Variants in KLF18 observed in about 807,000 individuals in gnomAD.
KLF18 encodes Kruppel-like factor 18.
Position 44,141,064 on chromosome 1 carries a change from T to C in KLF18, c.568A>G (p.Ser190Gly), listed in dbSNP as rs1164432624. 3.0e-5 allele frequency: 12 copies of C among 398,636 alleles called. No homozygotes were observed. Among genetic ancestry groups the C allele is most frequent in the African/African-American group, 1.6e-4 (8 of 48,624 alleles). 24.7% of individuals were successfully genotyped at this position (398,636 alleles called of 1,614,324 possible). A position where few individuals can be genotyped will look rare whatever the true frequency, so the allele number is the denominator to read the frequency against. Residue 190 changes from serine to glycine, a missense_variant, in exon 1 of 2, where the codon AGT becomes GGT. Ser to Gly is a moderately conservative substitution (Grantham distance 56). Transcript: ENST00000634670. Reference sequence around the variant, plus strand: ...TGACCATCAGTGAGGGTCTGGTCACTACTGAAGGTCACCTGGTCCCCACAG... The same window carrying C: ...TGACCATCAGTGAGGGTCTGGTCACCACTGAAGGTCACCTGGTCCCCACAG... ...TLCGDQVTFS[S>G]DQTLTDGHTV...
chr1:44,140,787 G>A lies in KLF18; in HGVS notation c.845C>T (p.Thr282Ile). The change falls in exon 1 of 2, where the codon ACC becomes ATC. Residue 282 changes from threonine to isoleucine, a missense_variant. Coordinates refer to ENST00000634670, the MANE Select transcript of KLF18 (RefSeq NM_001358438.1). Reference sequence around the variant, plus strand: ...ACAGAGGGTCTGGTTACTAGCGGAGGTCGTCATCTGCCCCCCATAGAGGGC... The same window carrying A: ...ACAGAGGGTCTGGTTACTAGCGGAGATCGTCATCTGCCCCCCATAGAGGGC... ...NQALYGGQMT[T>I]SASNQTLCGE... 2.5e-6 allele frequency: 1 copy of A among 398,096 alleles called. No individual in the cohort carries two copies. The highest frequency in any genetic ancestry group is 6.3e-4 in the Middle Eastern group (1 of 1,586). The allele number at this position is 398,096 out of a possible 1,614,324, so 24.7% of individuals were successfully genotyped here.
At chr1:44,138,597 T>G (rs1278860555) in intron 1 of KLF18, 67 bp downstream of exon 1, 1 of 220,254 alleles carries the variant, frequency 4.5e-6, no homozygotes, top group Non-Finnish European at 7.6e-6. Flanking sequence ...GGCAGCAATC[T>G]CAAATGCTTC....
rs1416786551 is a variant in KLF18 at position 44,140,053 on chromosome 1, G to A, written c.1579C>T (p.Leu527Phe). ...QMTTSTGNQA[L>F]YGGQMTTSTS... is the part of the protein sequence containing the mutation. ...GAGGTTGTCATCTGCCCCCCGTAGA[G>A]GGCCTGGTTACCAGTGGAGGTTGTC... is the stretch of plus-strand genomic sequence containing the variant. Residue 527 changes from leucine (L) to phenylalanine (F), a missense_variant, in exon 1 of 2, where the codon CTC becomes TTC. Leu to Phe is a conservative substitution (Grantham distance 22). Transcript: ENST00000634670. 2 of 391,976 alleles carry A rather than the reference G, an allele frequency of 5.1e-6. No homozygotes were observed. The highest frequency in any genetic ancestry group is 4.4e-6 in the Non-Finnish European group (1 of 225,212). 24.3% of individuals were successfully genotyped at this position (391,976 alleles called of 1,614,324 possible).
chr1:44,138,296 G>C (rs1164673680), intron 1 of KLF18, among the ~76,000 whole-genome samples: 1 of 152,200 alleles, frequency 6.6e-6, no homozygotes, highest in Admixed American at 6.5e-5. Context: ...GGGGAATAAG[G>C]AGGATGAGGG....
rs144562521 is a variant in KLF18 at position 44,139,426 on chromosome 1, T to C, written c.2206A>G (p.Thr736Ala). ...GTCATCATCTGCCCCCAGTAGAGGG[T>C]CTGGTTACCAGTGGAGGTCATCATC... ...GQMMTSTGNQ[T>A]LYWGQMMTST... Residue 736 changes from threonine to alanine, a missense_variant, in exon 1 of 2, where the codon ACC becomes GCC. Physicochemically the swap from Thr to Ala is moderately conservative, Grantham distance 58 (BLOSUM62 0). Coordinates refer to ENST00000634670, the MANE Select transcript of KLF18 (RefSeq NM_001358438.1). 0.047 allele frequency: 7,515 copies of C among 161,146 alleles called. 618 individuals carry two copies. The highest frequency in any genetic ancestry group is 0.35 in the African/African-American group (6,372 of 18,062). 10.0% of individuals were successfully genotyped at this position (161,146 alleles called of 1,614,324 possible). A position where few individuals can be genotyped will look rare whatever the true frequency, so the allele number is the denominator to read the frequency against.
Position 44,140,256 on chromosome 1 carries a change from C to T in KLF18, c.1376G>A (p.Gly459Glu), listed in dbSNP as rs942054164. 2.0e-5 allele frequency: 8 copies of T among 395,594 alleles called. No homozygotes were observed. Among genetic ancestry groups the T allele is most frequent in the African/African-American group, 1.7e-4 (8 of 47,168 alleles). The allele number at this position is 395,594 out of a possible 1,614,324, so 24.5% of individuals were successfully genotyped here. The change falls in exon 1 of 2, where the codon GGA becomes GAA. Residue 459 changes from glycine (G) to glutamate (E), a missense_variant. Gly to Glu is a moderately conservative substitution (Grantham distance 98). Coordinates refer to ENST00000634670, the MANE Select transcript of KLF18 (RefSeq NM_001358438.1). ...MTSTSNQTLCGEQTTTSTSNQ... is the reference protein window; with the variant it reads ...MTSTSNQTLCEEQTTTSTSNQ... ...ACTAGTGGAGGTCGTCGTCTGCTCT[C>T]CACAGAGGGTCTGGTTACTAGTGGA...
chr1:44,140,129 C>T lies in KLF18; in HGVS notation c.1503G>A (p.Trp501Ter). The change falls in exon 1 of 2, where the codon TGG (tryptophan) becomes TGA (stop). Residue 501 changes from tryptophan (W) to a stop codon, truncating the protein, a stop_gained. Coordinates refer to ENST00000634670, the MANE Select transcript of KLF18 (RefSeq NM_001358438.1). LOFTEE classifies it high-confidence loss of function. ...MTSTGNQTLY[W>*]GQMMTSTGNQ... ...TACCAGTGGAGGTCATCATCTGCCCCCAGTAGAGGGTCTGGTTACCAGTGG... is the reference window on the plus strand; with the variant it reads ...TACCAGTGGAGGTCATCATCTGCCCTCAGTAGAGGGTCTGGTTACCAGTGG... 1 of 363,296 alleles carries T rather than the reference C, an allele frequency of 2.8e-6. No individual in the cohort carries two copies. Among genetic ancestry groups the T allele is most frequent in the African/African-American group, 2.6e-5 (1 of 37,926 alleles). 22.5% of individuals were successfully genotyped at this position (363,296 alleles called of 1,614,324 possible).
Position 44,141,322 on chromosome 1 carries a change from T to C in KLF18, c.310A>G (p.Thr104Ala). 1 of 398,598 alleles carries C rather than the reference T, an allele frequency of 2.5e-6. No homozygotes were observed. The highest frequency in any genetic ancestry group is 3.6e-5 in the East Asian group (1 of 28,078). 24.7% of individuals were successfully genotyped at this position (398,598 alleles called of 1,614,324 possible). ...GTGTGTTTTACCTGATCAAAGGAAGTCACTTTCTGGCCCATGGAATAAGTC... is the reference window on the plus strand; with the variant it reads ...GTGTGTTTTACCTGATCAAAGGAAGCCACTTTCTGGCCCATGGAATAAGTC... Reference protein sequence around the residue: ...SETYSMGQKVTSFDQVKHTAG... With the variant: ...SETYSMGQKVASFDQVKHTAG... Residue 104 changes from threonine (T) to alanine (A), a missense_variant, in exon 1 of 2, where the codon ACT becomes GCT. Transcript: ENST00000634670.
In KLF18 at chr1:44,140,803, C is replaced by G; in HGVS notation, c.829G>C (p.Gly277Arg). 5.0e-6 allele frequency: 2 copies of G among 398,202 alleles called. No homozygotes were observed. The highest frequency in any genetic ancestry group is 4.4e-5 in the Admixed American group (1 of 22,696). 24.7% of individuals were successfully genotyped at this position (398,202 alleles called of 1,614,324 possible). Residue 277 changes from glycine to arginine, a missense_variant, in exon 1 of 2, where the codon GGG becomes CGG. By Grantham distance (125) the Gly-to-Arg change is moderately radical (BLOSUM62 -2). Transcript: ENST00000634670. ...TTSTGNQALY[G>R]GQMTTSASNQ... ...CTAGCGGAGGTCGTCATCTGCCCCC[C>G]ATAGAGGGCCTGGTTACCAGTGGAG...
rs1011931338 is a variant in KLF18, at chr1:44,141,111, G to T, written c.521C>A (p.Thr174Asn). 17 of 398,480 alleles carry T rather than the reference G, an allele frequency of 4.3e-5. No individual in the cohort carries two copies. The highest frequency in any genetic ancestry group is 8.8e-5 in the Admixed American group (2 of 22,704). 24.7% of individuals were successfully genotyped at this position (398,480 alleles called of 1,614,324 possible). A position where few individuals can be genotyped will look rare whatever the true frequency, so the allele number is the denominator to read the frequency against. The change falls in exon 1 of 2, where the codon ACC (threonine) becomes AAC (asparagine). Residue 174 changes from threonine to asparagine, a missense_variant. Physicochemically the swap from Thr to Asn is moderately conservative, Grantham distance 65 (BLOSUM62 0). Transcript: ENST00000634670. ...ACAGAGAGTCTGGTTATCACTGAGG[G>T]TCTTCATCTGATCTCCAAGCAGGGC... Reference protein sequence around the residue: ...IPALLGDQMKTLSDNQTLCGD... With the variant: ...IPALLGDQMKNLSDNQTLCGD...
chr1:44,138,367 A>T (rs2154312163), intron 1 of KLF18, among the ~76,000 whole-genome samples: 1 of 152,252 alleles, frequency 6.6e-6, no homozygotes, highest in East Asian at 1.9e-4. Context: ...TAGCATCAAG[A>T]ACATCTACCT....
intron 1 of KLF18, among the ~76,000 whole-genome samples, chr1:44,138,241 A>C (rs866315390): frequency 5.9e-5 from 9 of 152,132 alleles, no homozygotes; most frequent in African/African-American, 2.2e-4. Flanking sequence ...AAGAAGAAAA[A>C]AAACAAACAG....
rs1236312800 is a variant in KLF18 at position 44,139,365 on chromosome 1, A to T, written c.2267T>A (p.Met756Lys). The T allele has an allele frequency of 1.7e-5, 5 of 287,120 alleles. No homozygotes were observed. The highest frequency in any genetic ancestry group is 2.9e-5 in the Non-Finnish European group (5 of 171,426). The allele number at this position is 287,120 out of a possible 1,614,324, so 17.8% of individuals were successfully genotyped here. A position where few individuals can be genotyped will look rare whatever the true frequency, so the allele number is the denominator to read the frequency against. ...GGCCTGGTTACCAGTGGAGGTTGTC[A>T]TCTGCTCTCCACAGAGGTTCTGGTT... is the stretch of plus-strand genomic sequence containing the variant. The part of the protein sequence containing the change: ...TGNQNLCGEQ[M>K]TTSTGNQALY... The change falls in exon 1 of 2, where the codon ATG becomes AAG. Residue 756 changes from methionine (M) to lysine (K), a missense_variant. Physicochemically the swap from Met to Lys is moderately conservative, Grantham distance 95. Coordinates refer to ENST00000634670, the MANE Select transcript of KLF18 (RefSeq NM_001358438.1).
At chr1:44,138,066 G>A in intron 1 of KLF18, 55 bp from the exon 2 acceptor site, 1 of 398,488 alleles carries the variant, frequency 2.5e-6, no homozygotes, top group Non-Finnish European at 4.4e-6. Flanking sequence ...GGTAGGGCAG[G>A]GACATTTAAA....
Position 44,140,063 on chromosome 1 carries a change from A to G in KLF18, c.1569T>C (p.Gly523=), listed in dbSNP as rs1419062314. The change falls in exon 1 of 2, where the codon GGT becomes GGC. Residue 523 remains glycine, a synonymous_variant. Coordinates refer to ENST00000634670, the MANE Select transcript of KLF18 (RefSeq NM_001358438.1). The stretch of plus-strand genomic sequence containing the variant: ...TCTGCCCCCCGTAGAGGGCCTGGTT[A>G]CCAGTGGAGGTTGTCATCTGCTCTC... ...LCGEQMTTST[G]NQALYGGQMT... is the part of the protein sequence containing the mutation. 2 of 390,732 alleles carry G rather than the reference A, an allele frequency of 5.1e-6. No homozygotes were observed. Among genetic ancestry groups the G allele is most frequent in the African/African-American group, 4.3e-5 (2 of 46,920 alleles). The allele number at this position is 390,732 out of a possible 1,614,324, so 24.2% of individuals were successfully genotyped here. A position where few individuals can be genotyped will look rare whatever the true frequency, so the allele number is the denominator to read the frequency against.
rs1469116816 is a variant in KLF18 at position 44,139,857 on chromosome 1, G to C, written c.1775C>G (p.Thr592Ser). ...TLCGEQMTTSTSNQTLCGEQV... is the reference protein window; with the variant it reads ...TLCGEQMTTSSSNQTLCGEQV... ...CTCCCCACAAAGGGTCTGGTTACTA[G>C]TGGAGGTCGTCATCTGCTCTCCACA... Residue 592 changes from threonine (T) to serine (S), a missense_variant, in exon 1 of 2, where the codon ACT becomes AGT. Physicochemically the swap from Thr to Ser is moderately conservative, Grantham distance 58. Transcript: ENST00000634670. 5.3e-6 allele frequency: 2 copies of C among 379,088 alleles called. No individual in the cohort carries two copies. Among genetic ancestry groups the C allele is most frequent in the Non-Finnish European group, 9.3e-6 (2 of 214,758 alleles). 23.5% of individuals were successfully genotyped at this position (379,088 alleles called of 1,614,324 possible). A position where few individuals can be genotyped will look rare whatever the true frequency, so the allele number is the denominator to read the frequency against.
chr1:44,138,890 A>G lies in KLF18; in HGVS notation c.2742T>C (p.Tyr914=). The change falls in exon 1 of 2, where the codon TAT becomes TAC. Residue 914 remains tyrosine (Y), a synonymous_variant. Coordinates refer to ENST00000634670, the MANE Select transcript of KLF18 (RefSeq NM_001358438.1). ...MTTLTDDHSL[Y]GGYMMSHQFS... ...ACTGATGGGACATCATATATCCCCC[A>G]TAAAGGCTGTGGTCATCAGTGAGCG... is the stretch of plus-strand genomic sequence containing the variant. The G allele has an allele frequency of 2.5e-6, 1 of 398,656 alleles. No individual in the cohort carries two copies. The highest frequency in any genetic ancestry group is 3.6e-5 in the East Asian group (1 of 28,086). 24.7% of individuals were successfully genotyped at this position (398,656 alleles called of 1,614,324 possible). A position where few individuals can be genotyped will look rare whatever the true frequency, so the allele number is the denominator to read the frequency against.
Position 44,139,982 on chromosome 1 carries a change from A to G in KLF18, c.1650T>C (p.Thr550=), listed in dbSNP as rs1443291973. The part of the protein sequence containing the change: ...TLCGEQMTTP[T]SNQTLCGEQV... The stretch of plus-strand genomic sequence containing the variant: ...GCTCCCCACAGAGGGTCTGGTTACT[A>G]GTGGGGGTCGTCATCTGCTCTCCAC... The change falls in exon 1 of 2, where the codon ACT becomes ACC. Residue 550 remains threonine, a synonymous_variant. Transcript: ENST00000634670. 2.6e-6 allele frequency: 1 copy of G among 385,790 alleles called. No individual in the cohort carries two copies. Among genetic ancestry groups the G allele is most frequent in the Non-Finnish European group, 4.5e-6 (1 of 219,828 alleles). The allele number at this position is 385,790 out of a possible 1,614,324, so 23.9% of individuals were successfully genotyped here.
At position 44,141,525 on chromosome 1, in the gene KLF18, T is replaced by G. The variant is rs1184982711; in HGVS notation, c.107A>C (p.Gln36Pro). The change falls in exon 1 of 2, where the codon CAG (glutamine) becomes CCG (proline). Residue 36 changes from glutamine to proline, a missense_variant. Physicochemically the swap from Gln to Pro is moderately conservative, Grantham distance 76. Transcript: ENST00000634670. ...QAETPDAPEP[Q>P]NCMPLTAHAE... ...ATGGGCAGTCAGAGGCATACAGTTC[T>G]GTGGTTCTGGTGCATCTGGGGTTTC... is the stretch of plus-strand genomic sequence containing the variant. The G allele has an allele frequency of 1.3e-5, 5 of 398,546 alleles. No individual in the cohort carries two copies. Among genetic ancestry groups the G allele is most frequent in the Non-Finnish European group, 1.3e-5 (3 of 226,112 alleles). The allele number at this position is 398,546 out of a possible 1,614,324, so 24.7% of individuals were successfully genotyped here.
Sources: gnomAD v4.1 joint callset for allele counts (sites outside exome capture counted in the v4.1 genomes callset) on GRCh38, gnomAD v4.1.1 for gene constraint, MANE v1.5 for transcripts, NCBI Gene and HGNC (gene_info 2026-07-23, HGNC 2026-07-21) for gene names.